MAST4: variants seen among roughly 807,000 people sequenced by gnomAD.
MAST4 encodes microtubule-associated serine/threonine-protein kinase 4.
Under a neutral mutation model 162.7 loss-of-function variants are expected in MAST4, and 89 were observed. The ratio of observed to expected loss-of-function variants is 0.55; its 90% CI spans 0.46 to 0.65. The LOEUF is 0.65. MAST4 is among the 30% of genes least tolerant of loss of function. The probability of loss-of-function intolerance (pLI) is 0.00; values close to 1 mark genes in which losing one functional copy is unlikely to be tolerated. For synonymous variants in MAST4, 1,479 were observed against 1,361.1 expected (o/e 1.09, Z -1.91); for missense variants, 3,153 against 3,374.0 (o/e 0.93, Z 1.62).
At position 67,164,007 on chromosome 5, in the gene MAST4, C is replaced by G; in HGVS notation, c.4828C>G (p.Gln1610Glu). 6.3e-7 allele frequency: 1 copy of G among 1,599,250 alleles called. No individual in the cohort carries two copies. ...GSLLKDALHK[Q>E]ASVRASEGAM... is the part of the protein sequence containing the mutation. ...CCTGCTGAAGGATGCTCTTCACAAG[C>G]AGGCCAGCGTGCGCGCCAGCGAGGG... Residue 1610 changes from glutamine to glutamate, a missense_variant, in exon 29 of 29, where the codon CAG becomes GAG. This residue lies in a region of MAST4 where 1,644 missense variants were observed against 1,495.0 expected (regional missense o/e 1.10). Transcript: ENST00000403625. The surrounding 1 kb of genome is among the most constrained non-coding windows in gnomAD (Gnocchi z 5.3).
intron 4 of MAST4, among the ~76,000 whole-genome samples, chr5:66,969,132 G>A (rs990521901): frequency 2.6e-5 from 4 of 152,160 alleles, no homozygotes; most frequent in South Asian, 4.1e-4. Flanking sequence ...TTACAAACCC[G>A]AAGCCCTTCA....
chr5:66,912,761 T>A (rs187056119), intron 4 of MAST4, among the ~76,000 whole-genome samples: 1 of 152,192 alleles, frequency 6.6e-6, no homozygotes, highest in Non-Finnish European at 1.5e-5. Flanking sequence ...TGCTGAAAGA[T>A]GTTGGTTGGT....
intron 4 of MAST4, among the ~76,000 whole-genome samples, chr5:66,954,332 G>A (rs1296062115): frequency 6.6e-6 from 1 of 152,130 alleles, no homozygotes; most frequent in South Asian, 2.1e-4. Flanking sequence ...CACTCTTTGA[G>A]GTCATTGCTC....
chr5:66,731,513 A>T (rs1463662476), intron 1 of MAST4, among the ~76,000 whole-genome samples: 1 of 151,424 alleles, frequency 6.6e-6, no homozygotes, highest in African/African-American at 2.5e-5. Context: ...AAAAAGAAAA[A>T]AATAGGTGCC....
chr5:66,845,126 T>TATATATATACAC (rs1358855625), intron 3 of MAST4, among the ~76,000 whole-genome samples: 101 of 67,108 alleles, frequency 1.5e-3, no homozygotes, highest in East Asian at 5.6e-3. Flanking sequence ...TATATATATA[T>TATATATATACAC]ACACACACAC....
chr5:67,126,908 T>C (rs1229912895), intron 14 of MAST4, among the ~76,000 whole-genome samples: 3 of 152,230 alleles, frequency 2.0e-5, no homozygotes, highest in African/African-American at 7.2e-5. Flanking sequence ...TTGTGTCCTC[T>C]CTTACTTCCT....
At chr5:66,864,124 G>A (rs1760315499) in intron 3 of MAST4, among the ~76,000 whole-genome samples, 1 of 152,158 alleles carries the variant, frequency 6.6e-6, no homozygotes. Flanking sequence ...ATGAGACAAA[G>A]TTCCTGGCTT....
intron 1 of MAST4, among the ~76,000 whole-genome samples, chr5:66,667,251 A>C (rs1580146250): frequency 6.6e-6 from 1 of 152,200 alleles, no homozygotes; most frequent in Non-Finnish European, 1.5e-5. Context: ...TGTACAAAGG[A>C]ATGATACAAG....
At chr5:66,768,847 A>G (rs1450749307) in intron 2 of MAST4, among the ~76,000 whole-genome samples, 1 of 152,174 alleles carries the variant, frequency 6.6e-6, no homozygotes, top group Admixed American at 6.5e-5. Context: ...ATTATATCAA[A>G]ATGAGATAAT....
At chr5:67,076,107 A>G (rs1561616194) in intron 5 of MAST4, among the ~76,000 whole-genome samples, 1 of 152,150 alleles carries the variant, frequency 6.6e-6, no homozygotes, top group East Asian at 1.9e-4. Flanking sequence ...AAGAAAAAAA[A>G]AATTGAGCAT....
At chr5:66,847,206 C>G (rs1224518899) in intron 3 of MAST4, among the ~76,000 whole-genome samples, 6 of 151,952 alleles carry the variant, frequency 3.9e-5, no homozygotes, top group Non-Finnish European at 8.8e-5. Context: ...GTAGATCTGT[C>G]TTAATTCTGT....
Position 66,884,508 on chromosome 5 carries a change from T to G in MAST4, c.643-15443T>G, listed in dbSNP as rs1838735. Among the ~76,000 whole-genome samples, 1,154 of 152,304 alleles carry G rather than the reference T, an allele frequency of 7.6e-3. 19 individuals carry two copies. The highest frequency in any genetic ancestry group is 0.026 in the African/African-American group (1,092 of 41,568). On this transcript the variant is annotated intron_variant, in intron 3 of 28. Coordinates refer to ENST00000403625, the MANE Select transcript of MAST4 (RefSeq NM_001164664.2). ...CCTGGAAAACATCTTCTCCACTGTT[T>G]CCTGAGAAGGACCCGGGAAGCTTGC...
At chr5:66,607,191 C>T (rs1742952662) in intron 1 of MAST4, among the ~76,000 whole-genome samples, 1 of 152,146 alleles carries the variant, frequency 6.6e-6, no homozygotes, top group South Asian at 2.1e-4. Context: ...CAGAACCTTG[C>T]ATGATGTGGC....
At chr5:66,940,717 C>T (rs1296385261) in intron 4 of MAST4, among the ~76,000 whole-genome samples, 3 of 152,120 alleles carry the variant, frequency 2.0e-5, no homozygotes, top group African/African-American at 7.2e-5. Flanking sequence ...GAGTTGGAAT[C>T]AATTTCTTCC....
At chr5:66,915,744 G>A (rs1372065106) in intron 4 of MAST4, among the ~76,000 whole-genome samples, 1 of 152,060 alleles carries the variant, frequency 6.6e-6, no homozygotes, top group East Asian at 1.9e-4. Context: ...GCACTGGGGG[G>A]CTAGTCCTGA....
At chr5:66,899,857 T>G in intron 3 of MAST4, 94 bp from the exon 4 acceptor site, 1 of 989,814 alleles carries the variant, frequency 1.0e-6, no homozygotes, top group Non-Finnish European at 1.4e-6. Flanking sequence ...TCAAGCGTAA[T>G]GAAGGATGAT....
At chr5:67,014,542 A>G (rs1327210037) in intron 4 of MAST4, among the ~76,000 whole-genome samples, 1 of 152,180 alleles carries the variant, frequency 6.6e-6, no homozygotes, top group East Asian at 1.9e-4. Context: ...AAGTTGCCGT[A>G]TTTTTACTGT....
At chr5:66,779,602 A>G (rs1383846695) in intron 2 of MAST4, among the ~76,000 whole-genome samples, 3 of 152,138 alleles carry the variant, frequency 2.0e-5, no homozygotes, top group African/African-American at 7.2e-5. Flanking sequence ...TCAGTCACCC[A>G]TGTGAGTGGA....
At chr5:66,881,040 A>G (rs1292191078) in intron 3 of MAST4, among the ~76,000 whole-genome samples, 1 of 152,212 alleles carries the variant, frequency 6.6e-6, no homozygotes, top group Non-Finnish European at 1.5e-5. Context: ...ACTTTCACAG[A>G]TTGACTCTAC....
Sources: allele counts gnomAD v4.1 joint callset (sites outside exome capture counted in the v4.1 genomes callset), GRCh38; gene constraint gnomAD v4.1.1; regional missense constraint gnomAD v4.1.1; non-coding constraint Gnocchi (gnomAD v3.1); transcripts MANE v1.5; gene names NCBI Gene and HGNC (gene_info 2026-07-23, HGNC 2026-07-21).